Variants in MYO7B observed in about 807,000 individuals in gnomAD.
The protein encoded by MYO7B is myosin VIIB, also known as unconventional myosin-VIIb.
Under a neutral mutation model 259.7 loss-of-function variants are expected in MYO7B, and 212 were observed. The observed-to-expected ratio is 0.82, with a 90% CI of 0.73 to 0.91. The LOEUF (loss-of-function observed/expected upper bound fraction) is 0.91, where lower values mean the gene tolerates loss of function less well. Among genes scored for constraint, MYO7B ranks in the 40% least tolerant of loss-of-function variants. The pLI, the probability that MYO7B is intolerant of heterozygous loss-of-function variation, is 0.00. For synonymous variants in MYO7B, 1,197 were observed against 1,166.4 expected (o/e 1.03, Z -0.54); for missense variants, 2,732 against 2,813.5 (o/e 0.97, Z 0.66).
chr2:127,541,469 T>C (rs1309623310), intron 1 of MYO7B, among the ~76,000 whole-genome samples: 1 of 152,218 alleles, frequency 6.6e-6, no homozygotes, highest in Non-Finnish European at 1.5e-5. Context: ...GATCCACTGG[T>C]AGCAGAGGGT....
intron 39 of MYO7B, 119 bp from the exon 40 acceptor site, chr2:127,633,139 T>C: frequency 1.3e-6 from 1 of 767,512 alleles, no homozygotes; most frequent in Non-Finnish European, 2.1e-6. Context: ...ACCACCCCAG[T>C]GATGGTCACT....
Position 127,628,628 on chromosome 2 carries a change from A to G in MYO7B, c.4624+93A>G. 2.3e-6 allele frequency: 3 copies of G among 1,315,136 alleles called. No individual in the cohort carries two copies. Among genetic ancestry groups the G allele is most frequent in the Admixed American group, 2.1e-5 (1 of 47,456 alleles). The allele number at this position is 1,315,136 out of a possible 1,614,324, so 81.5% of individuals were successfully genotyped here. A position where few individuals can be genotyped will look rare whatever the true frequency, so the allele number is the denominator to read the frequency against. On this transcript the variant is annotated intron_variant, in intron 34 of 47. Coordinates refer to ENST00000409816, the MANE Select transcript of MYO7B (RefSeq NM_001393586.1). This position sits in a 1 kb window ranked among gnomAD's most constrained non-coding sequence, Gnocchi z 4.8. Reference sequence around the variant, plus strand: ...GTAGGTGGCATGCTCATCTCCACACAGCAGCCACAAGGCAAGCAGAGGGAG... The same window carrying G: ...GTAGGTGGCATGCTCATCTCCACACGGCAGCCACAAGGCAAGCAGAGGGAG...
intron 10 of MYO7B, 62 bp from the exon 11 acceptor site, chr2:127,581,829 G>T: frequency 6.2e-7 from 1 of 1,605,184 alleles, no homozygotes; most frequent in Non-Finnish European, 8.5e-7. Flanking sequence ...GCAGAAGCAG[G>T]TCAGAGTGCT....
At chr2:127,570,257 G>A (rs1274630025) in intron 6 of MYO7B, among the ~76,000 whole-genome samples, 1 of 152,198 alleles carries the variant, frequency 6.6e-6, no homozygotes, top group Non-Finnish European at 1.5e-5. Context: ...GCCAGAGTGA[G>A]GACTGCAAGA....
chr2:127,622,467 A>G (rs989585287), intron 28 of MYO7B, among the ~76,000 whole-genome samples: 1 of 152,148 alleles, frequency 6.6e-6, no homozygotes, highest in African/African-American at 2.4e-5. Flanking sequence ...TGGCATTGCT[A>G]TTGGGCACAT....
At chr2:127,600,901 G>A (rs769243229) in intron 19 of MYO7B, among the ~76,000 whole-genome samples, 15 of 152,326 alleles carry the variant, frequency 9.8e-5, no homozygotes, top group Middle Eastern at 6.8e-3. Context: ...TGAGGCAGGA[G>A]ATTAGATTAT....
At chr2:127,575,276 C>A (rs778728598) in intron 7 of MYO7B, among the ~76,000 whole-genome samples, 1 of 152,128 alleles carries the variant, frequency 6.6e-6, no homozygotes, top group Non-Finnish European at 1.5e-5. Context: ...TCCAGGGTCA[C>A]AGAGCCAGCA....
At position 127,624,149 on chromosome 2, in the gene MYO7B, G is replaced by T; in HGVS notation, c.3876G>T (p.Glu1292Asp). The stretch of plus-strand genomic sequence containing the variant: ...TGATGGATGCCATCGCCCGGTGTGA[G>T]CAGATGGCCCAGGAGAGGGGCGAGA... ...DHMMDAIARCEQMAQERGESQ... is the reference protein window; with the variant it reads ...DHMMDAIARCDQMAQERGESQ... Residue 1292 changes from glutamate (E) to aspartate (D), a missense_variant, in exon 30 of 48, where the codon GAG (glutamate) becomes GAT (aspartate). This residue lies in a region of MYO7B where 1,906 missense variants were observed against 2,026.4 expected (regional missense o/e 0.94). Transcript: ENST00000409816. 1 of 1,595,482 alleles carries T rather than the reference G, an allele frequency of 6.3e-7. No individual in the cohort carries two copies. The highest frequency in any genetic ancestry group is 1.7e-5 in the Admixed American group (1 of 57,840).
At chr2:127,574,180 C>A in intron 7 of MYO7B, 118 bp downstream of exon 7, 1 of 1,310,234 alleles carries the variant, frequency 7.6e-7, no homozygotes, top group African/African-American at 1.5e-5. Flanking sequence ...CCAGAACCCA[C>A]AGGCCTCACT....
Position 127,633,268 on chromosome 2 carries a change from C to G in MYO7B, c.5416C>G (p.Arg1806Gly). The change falls in exon 40 of 48, where the codon CGG becomes GGG. Residue 1806 changes from arginine (R) to glycine (G), a missense_variant. Physicochemically the swap from Arg to Gly is moderately radical, Grantham distance 125. Transcript: ENST00000409816. ...CGCTGTCCCCCTCAGGACGGGGCCC[C>G]GGAAGCAGCCCCCGCACCAGGTGGA... ...RIQKVLRTGP[R>G]KQPPHQVEVE... is the part of the protein sequence containing the mutation. The G allele has an allele frequency of 6.2e-7, 1 of 1,610,472 alleles. No individual in the cohort carries two copies. The highest frequency in any genetic ancestry group is 8.5e-7 in the Non-Finnish European group (1 of 1,178,972).
chr2:127,540,572 G>C (rs983919220), intron 1 of MYO7B, among the ~76,000 whole-genome samples: 1 of 152,212 alleles, frequency 6.6e-6, no homozygotes, highest in Non-Finnish European at 1.5e-5. Flanking sequence ...GGTTGTGCTA[G>C]TCTACATTCC....
intron 1 of MYO7B, among the ~76,000 whole-genome samples, chr2:127,550,515 G>C (rs1053285510): frequency 6.6e-6 from 1 of 151,296 alleles, no homozygotes; most frequent in Non-Finnish European, 1.5e-5. Context: ...CTGGGATCAC[G>C]CAACTGCACT....
chr2:127,564,956 TGTCCCTG>T (rs543972007), intron 3 of MYO7B, among the ~76,000 whole-genome samples: 66 of 152,364 alleles, frequency 4.3e-4, no homozygotes, highest in African/African-American at 1.6e-3. Flanking sequence ...TAAGCTCCTT[TGTCCCTG>T]GTCTGAAATT....
chr2:127,543,756 T>A (rs151014352), intron 1 of MYO7B, among the ~76,000 whole-genome samples: 22,985 of 151,398 alleles, frequency 0.15, 3,092 homozygotes, highest in African/African-American at 0.35. Flanking sequence ...ATATATATTT[T>A]TTTTTTGAGA....
intron 27 of MYO7B, among the ~76,000 whole-genome samples, 170 bp from the exon 28 acceptor site, chr2:127,621,812 A>G (rs1680851782): frequency 6.6e-6 from 1 of 152,252 alleles, no homozygotes. Context: ...CGTGTTGCCA[A>G]ACTGCTCCTC....
Position 127,628,359 on chromosome 2 carries a change from C to G in MYO7B, c.4461-13C>G. 1 of 1,594,290 alleles carries G rather than the reference C, an allele frequency of 6.3e-7. No individual in the cohort carries two copies. Among genetic ancestry groups the G allele is most frequent in the South Asian group, 1.1e-5 (1 of 87,204 alleles). On this transcript the variant is annotated splice_polypyrimidine_tract_variant and intron_variant, in intron 33 of 47. Coordinates refer to ENST00000409816, the MANE Select transcript of MYO7B (RefSeq NM_001393586.1). The surrounding 1 kb of genome is among the most constrained non-coding windows in gnomAD (Gnocchi z 4.8). ...TGGAGGGGGCTCCTGGTCACGCTGT[C>G]CTTCATCTCCAGGGAGGCCCAGGGC...
chr2:127,556,905 T>C (rs889800090), intron 1 of MYO7B, among the ~76,000 whole-genome samples: 1 of 152,154 alleles, frequency 6.6e-6, no homozygotes, highest in African/African-American at 2.4e-5. Flanking sequence ...CCAGGTGTTC[T>C]TTCTTGTATT....
chr2:127,567,330 A>AGGGCAGGCCTCACCAAAAAACT (rs1678393712), intron 5 of MYO7B, among the ~76,000 whole-genome samples: 1 of 152,076 alleles, frequency 6.6e-6, no homozygotes, highest in Admixed American at 6.5e-5. Flanking sequence ...AAAAAAAAAC[A>AGGGCAGGCCTCACCAAAAAACT]CAGGGCAGGC....
intron 6 of MYO7B, among the ~76,000 whole-genome samples, chr2:127,572,872 C>T (rs1039218761): frequency 5.9e-5 from 9 of 151,902 alleles, no homozygotes; most frequent in African/African-American, 2.2e-4. Context: ...TCAAACTTGG[C>T]TATTCTAGGT....
Sources: allele counts gnomAD v4.1 joint callset (sites outside exome capture counted in the v4.1 genomes callset), GRCh38; gene constraint gnomAD v4.1.1; regional missense constraint gnomAD v4.1.1; non-coding constraint Gnocchi (gnomAD v3.1); transcripts MANE v1.5; gene names NCBI Gene and HGNC (gene_info 2026-07-23, HGNC 2026-07-21).